SCN9A: variants seen among roughly 807,000 people sequenced by gnomAD.
SCN9A encodes sodium voltage-gated channel alpha subunit 9.
A neutral mutation model predicts 187.0 loss-of-function variants in SCN9A; 131 were observed. The observed-to-expected ratio is 0.70, with a 90% CI of 0.61 to 0.81. The LOEUF is 0.81. Ranked by LOEUF, SCN9A falls within the 30% of genes least tolerant of loss-of-function variation. SCN9A has a pLI of 0.00. For synonymous variants in SCN9A, 809 were observed against 808.6 expected, an observed-to-expected ratio of 1.00 and a Z score of -0.01; for missense variants, 2,252 against 2,396.6, an observed-to-expected ratio of 0.94 and a Z score of 1.26.
intron 17 of SCN9A, among the ~76,000 whole-genome samples, chr2:166,261,677 C>T (rs1051393812): frequency 5.3e-5 from 8 of 151,790 alleles, no homozygotes; most frequent in African/African-American, 1.5e-4. Context: ...TAAACAGAGT[C>T]CTGACTCAGA....
intron 17 of SCN9A, among the ~76,000 whole-genome samples, chr2:166,255,543 G>A (rs572687235): frequency 1.7e-4 from 26 of 151,220 alleles, no homozygotes; most frequent in Non-Finnish European, 2.8e-4. Context: ...ATAATCTAAC[G>A]CTCAAAAGAA....
intron 7 of SCN9A, among the ~76,000 whole-genome samples, chr2:166,300,351 AC>A (rs1329904396): frequency 6.7e-6 from 1 of 150,340 alleles, no homozygotes; most frequent in Non-Finnish European, 1.5e-5. Flanking sequence ...TTGAAGCAGC[AC>A]CCCCCACACA....
At chr2:166,210,257 G>A (rs1329141109) in intron 24 of SCN9A, among the ~76,000 whole-genome samples, 1 of 151,956 alleles carries the variant, frequency 6.6e-6, no homozygotes, top group Non-Finnish European at 1.5e-5. Flanking sequence ...ATTGAACAAT[G>A]AGAACACATG....
intron 24 of SCN9A, among the ~76,000 whole-genome samples, chr2:166,218,822 T>C (rs1240125029): frequency 6.6e-6 from 1 of 152,146 alleles, no homozygotes; most frequent in Non-Finnish European, 1.5e-5. Flanking sequence ...ACTATGCATC[T>C]GACAAAGGTC....
At chr2:166,216,622 T>C (rs1437900037) in intron 24 of SCN9A, among the ~76,000 whole-genome samples, 1 of 151,866 alleles carries the variant, frequency 6.6e-6, no homozygotes, top group Non-Finnish European at 1.5e-5. Flanking sequence ...AAGAAATTAA[T>C]CCTATTTAAA....
intron 1 of SCN9A, among the ~76,000 whole-genome samples, chr2:166,346,180 A>C (rs1403627484): frequency 1.3e-5 from 2 of 152,174 alleles, no homozygotes; most frequent in Non-Finnish European, 2.9e-5. Flanking sequence ...CCCTACCACT[A>C]TCCCCTTTCC....
At chr2:166,263,449 C>T (rs1696599173) in intron 17 of SCN9A, among the ~76,000 whole-genome samples, 1 of 151,942 alleles carries the variant, frequency 6.6e-6, no homozygotes, top group African/African-American at 2.4e-5. Flanking sequence ...TAAGATTTAT[C>T]TTTCCATATA....
At chr2:166,313,712 A>T (rs1027155449) in intron 1 of SCN9A, among the ~76,000 whole-genome samples, 2 of 152,222 alleles carry the variant, frequency 1.3e-5, no homozygotes, top group African/African-American at 4.8e-5. Flanking sequence ...TCACTGGAGT[A>T]GCACATTTGA....
At chr2:166,238,321 A>T in intron 19 of SCN9A, 54 bp from the exon 20 acceptor site, 1 of 1,195,704 alleles carries the variant, frequency 8.4e-7, no homozygotes, top group Non-Finnish European at 1.2e-6. Flanking sequence ...TTCATGATTC[A>T]TTTAAAAAAA....
intron 20 of SCN9A, among the ~76,000 whole-genome samples, chr2:166,234,280 ACT>A (rs1695217964): frequency 6.6e-6 from 1 of 152,182 alleles, no homozygotes; most frequent in Non-Finnish European, 1.5e-5. Flanking sequence ...AAATATGTTT[ACT>A]CTCTGAATTA....
intron 24 of SCN9A, among the ~76,000 whole-genome samples, chr2:166,210,845 A>C (rs1232622333): frequency 6.6e-6 from 1 of 152,142 alleles, no homozygotes; most frequent in Admixed American, 6.5e-5. Context: ...GGATCACCTG[A>C]GGTCAGGAGT....
At chr2:166,360,219 C>CAAAAAAAAAAAA (rs1251018524) in intron 1 of SCN9A, among the ~76,000 whole-genome samples, 3 of 24,030 alleles carry the variant, frequency 1.2e-4, no homozygotes, top group African/African-American at 2.5e-4. Flanking sequence ...AACTCTGTCT[C>CAAAAAAAAAAAA]AAAAAAAAAA....
In SCN9A at chr2:166,286,532, C is replaced by T; in HGVS notation, c.1406G>A (p.Ser469Asn). The part of the protein sequence containing the change: ...SESSSETSKL[S>N]SKSAKERRNR... ...TCTTCTTTCTTTAGCACTTTTAGAG[C>T]TCAGTTTGGATGTTTCAGAAGAACT... Residue 469 changes from serine to asparagine, a missense_variant, in exon 11 of 27, where the codon AGC (serine) becomes AAC (asparagine). By Grantham distance (46) the Ser-to-Asn change is conservative. Around this residue, in one of 7 missense-constraint regions of SCN9A, gnomAD observed 1,013 missense variants for 997.4 expected, o/e 1.02. Coordinates refer to ENST00000642356, the MANE Select transcript of SCN9A (RefSeq NM_001365536.1). 1 of 1,612,040 alleles carries T rather than the reference C, an allele frequency of 6.2e-7. No individual in the cohort carries two copies. The highest frequency in any genetic ancestry group is 8.5e-7 in the Non-Finnish European group (1 of 1,179,304).
chr2:166,371,758 T>G (rs1173050547), intron 1 of SCN9A, among the ~76,000 whole-genome samples: 1 of 152,342 alleles, frequency 6.6e-6, no homozygotes, highest in Non-Finnish European at 1.5e-5. Flanking sequence ...ATTTGTGATG[T>G]GTAATATGAA....
At chr2:166,276,917 T>C in intron 16 of SCN9A, 66 bp downstream of exon 16, 1 of 1,215,344 alleles carries the variant, frequency 8.2e-7, no homozygotes, top group East Asian at 2.5e-5. Context: ...ATAAAAATAA[T>C]AGATCACATC....
intron 17 of SCN9A, among the ~76,000 whole-genome samples, chr2:166,271,523 G>C (rs1026125143): frequency 3.3e-5 from 5 of 151,962 alleles, no homozygotes; most frequent in South Asian, 2.1e-4. Flanking sequence ...AGCTGGTTAG[G>C]GCCATAGTGT....
intron 15 of SCN9A, chr2:166,277,915 C>T (rs1222039252): frequency 4.2e-5 from 19 of 451,506 alleles, no homozygotes; most frequent in East Asian, 2.1e-4. Flanking sequence ...ATTATATTAG[C>T]GTGTACTTCA....
intron 1 of SCN9A, among the ~76,000 whole-genome samples, chr2:166,374,832 A>G (rs913964841): frequency 6.6e-6 from 1 of 152,050 alleles, no homozygotes; most frequent in African/African-American, 2.4e-5. Flanking sequence ...TATCTTACTG[A>G]CACTAGCTTC....
At chr2:166,270,231 T>C (rs1214939080) in intron 17 of SCN9A, among the ~76,000 whole-genome samples, 1 of 151,896 alleles carries the variant, frequency 6.6e-6, no homozygotes, top group Non-Finnish European at 1.5e-5. Context: ...AATACAACAA[T>C]AAAAATAGTA....
Sources: allele counts gnomAD v4.1 joint callset (sites outside exome capture counted in the v4.1 genomes callset), GRCh38; gene constraint gnomAD v4.1.1; regional missense constraint gnomAD v4.1.1; transcripts MANE v1.5; gene names NCBI Gene and HGNC (gene_info 2026-07-23, HGNC 2026-07-21).